Variants in SPMAP2L observed in about 807,000 individuals in gnomAD.
SPMAP2L encodes sperm microtubule associated protein 2-like.
chr4:56,576,409 A>T, the SPMAP2L span, among the ~76,000 whole-genome samples: 3 of 152,354 alleles, frequency 2.0e-5, no homozygotes, highest in African/African-American at 4.8e-5. Flanking sequence ...AAATTACTTT[A>T]TGTTAATCCT....
chr4:56,624,535 G>T, the SPMAP2L span, among the ~76,000 whole-genome samples: 1 of 152,196 alleles, frequency 6.6e-6, no homozygotes, highest in East Asian at 1.9e-4. Context: ...GGAGGAAAAA[G>T]TGGTTTTGTG....
chr4:56,595,437 G>T, the SPMAP2L span: 1 of 1,606,468 alleles, frequency 6.2e-7, no homozygotes, highest in Non-Finnish European at 8.5e-7. Context: ...TCAGCATTCG[G>T]CAGGAAGTTG....
chr4:56,562,290 A>C, the SPMAP2L span, among the ~76,000 whole-genome samples: 3 of 152,002 alleles, frequency 2.0e-5, no homozygotes, highest in Non-Finnish European at 4.4e-5. Flanking sequence ...AGTATCCTAA[A>C]TTTTCCTATG....
chr4:56,617,617 T>C, the SPMAP2L span, among the ~76,000 whole-genome samples: 1 of 152,106 alleles, frequency 6.6e-6, no homozygotes, highest in African/African-American at 2.4e-5. Flanking sequence ...GAAGACCCAG[T>C]GGGCATGTGT....
chr4:56,580,494 T>C, the SPMAP2L span, among the ~76,000 whole-genome samples: 1 of 152,132 alleles, frequency 6.6e-6, no homozygotes, highest in Admixed American at 6.5e-5. Flanking sequence ...AAAGGGAATC[T>C]ACAAGAAACA....
At chr4:56,577,593 A>G in the SPMAP2L span, among the ~76,000 whole-genome samples, 5 of 152,124 alleles carry the variant, frequency 3.3e-5, no homozygotes, top group South Asian at 1.0e-3. Context: ...CTCAAAATAA[A>G]TAAATAAATA....
the SPMAP2L span, among the ~76,000 whole-genome samples, chr4:56,544,161 G>A: frequency 6.6e-6 from 1 of 152,066 alleles, no homozygotes; most frequent in South Asian, 2.1e-4. Flanking sequence ...GCTAATATTT[G>A]TATTTTTTGT....
the SPMAP2L span, among the ~76,000 whole-genome samples, chr4:56,538,887 A>C: frequency 6.6e-6 from 1 of 152,212 alleles, no homozygotes; most frequent in Non-Finnish European, 1.5e-5. Context: ...CAATTCCAGT[A>C]AGTCTTTACA....
the SPMAP2L span, among the ~76,000 whole-genome samples, chr4:56,625,295 C>T: frequency 6.6e-6 from 1 of 152,084 alleles, no homozygotes; most frequent in Non-Finnish European, 1.5e-5. Flanking sequence ...ATTTTACAGG[C>T]TCATAGGAGG....
the SPMAP2L span, among the ~76,000 whole-genome samples, chr4:56,610,177 A>G: frequency 0.042 from 6,373 of 152,274 alleles, 465 homozygotes; most frequent in African/African-American, 0.14. Flanking sequence ...ATCTGGAGGT[A>G]TCACATTATC....
the SPMAP2L span, chr4:56,603,340 C>G: frequency 1.3e-6 from 2 of 1,508,156 alleles, no homozygotes; most frequent in Non-Finnish European, 1.8e-6. Flanking sequence ...AAAGCCACAA[C>G]AGTCAGACCC....
chr4:56,552,977 A>G, the SPMAP2L span, among the ~76,000 whole-genome samples: 2 of 152,166 alleles, frequency 1.3e-5, no homozygotes, highest in Non-Finnish European at 2.9e-5. Context: ...CTTTTTGTGC[A>G]TTCTCCAAGT....
the SPMAP2L span, among the ~76,000 whole-genome samples, chr4:56,543,484 G>C: frequency 6.6e-6 from 1 of 152,252 alleles, no homozygotes; most frequent in East Asian, 2.0e-4. Context: ...TTGAGGCCAG[G>C]AGTTTGAGAC....
the SPMAP2L span, among the ~76,000 whole-genome samples, chr4:56,596,110 C>T: frequency 2.0e-5 from 3 of 152,138 alleles, no homozygotes; most frequent in Non-Finnish European, 4.4e-5. Context: ...TGGGAAATCC[C>T]AGGACAAATG....
chr4:56,597,815 G>C, the SPMAP2L span, among the ~76,000 whole-genome samples: 2 of 152,126 alleles, frequency 1.3e-5, no homozygotes, highest in Non-Finnish European at 2.9e-5. Flanking sequence ...AGACTACTGA[G>C]AGTGGTGTTA....
chr4:56,608,960 G>A, the SPMAP2L span, among the ~76,000 whole-genome samples: 1 of 151,744 alleles, frequency 6.6e-6, no homozygotes, highest in African/African-American at 2.4e-5. Context: ...CTTGAGACCT[G>A]TTACTCTTTT....
chr4:56,602,722 T>C, the SPMAP2L span, among the ~76,000 whole-genome samples: 10 of 151,924 alleles, frequency 6.6e-5, no homozygotes, highest in Non-Finnish European at 1.3e-4. Context: ...AAATAAAAAG[T>C]AAAAGAGAAG....
chr4:56,543,483 G>C, the SPMAP2L span, among the ~76,000 whole-genome samples: 1 of 152,142 alleles, frequency 6.6e-6, no homozygotes. Context: ...GTTGAGGCCA[G>C]GAGTTTGAGA....
chr4:56,573,081 G>A, the SPMAP2L span, among the ~76,000 whole-genome samples: 1 of 151,896 alleles, frequency 6.6e-6, no homozygotes, highest in African/African-American at 2.4e-5. Flanking sequence ...TGGATGTGTG[G>A]ATGACTCTGG....
Sources: gnomAD v4.1 joint callset for allele counts (sites outside exome capture counted in the v4.1 genomes callset) on GRCh38, gnomAD v4.1.1 for gene constraint, MANE v1.5 for transcripts, NCBI Gene and HGNC (gene_info 2026-07-23, HGNC 2026-07-21) for gene names.